BSN: variants seen among roughly 807,000 people sequenced by gnomAD.
BSN encodes protein bassoon.
A neutral mutation model predicts 264.8 loss-of-function variants in BSN; 57 were observed. The observed-to-expected ratio is 0.22, with a 90% CI of 0.17 to 0.27. BSN has a LOEUF of 0.27. Among genes scored for constraint, BSN ranks in the 10% least tolerant of loss-of-function variants. BSN has a pLI of 1.00. For missense variants in BSN, 4,615 were observed against 5,232.5 expected, an observed-to-expected ratio of 0.88 and a Z score of 3.64; for synonymous variants, 2,059 against 2,137.3, an observed-to-expected ratio of 0.96 and a Z score of 1.01.
chr3:49,556,098 C>T (rs2051668992), intron 1 of BSN, among the ~76,000 whole-genome samples: 1 of 152,220 alleles, frequency 6.6e-6, no homozygotes. Context: ...CTTAGCACTG[C>T]AAACACTGTC....
In BSN at chr3:49,657,097, C is replaced by G. The variant is rs557622645; in HGVS notation, c.7541C>G (p.Ala2514Gly). 65 of 1,610,002 alleles carry G rather than the reference C, an allele frequency of 4.0e-5. No homozygotes were observed. In the East Asian group the frequency reaches 1.1e-3, roughly 27 times the overall value. Residue 2514 changes from alanine (A) to glycine (G), a missense_variant, in exon 5 of 12, where the codon GCA (alanine) becomes GGA (glycine). Transcript: ENST00000296452. ...PLTHAAFIAM[A>G]GPEGLGQPRE... ...ACACATGCAGCCTTCATTGCCATGG[C>G]AGGGCCTGAAGGACTTGGGCAGCCT...
chr3:49,620,513 C>A (rs954832274), intron 1 of BSN, among the ~76,000 whole-genome samples: 3 of 151,138 alleles, frequency 2.0e-5, no homozygotes, highest in Admixed American at 2.0e-4. Context: ...CAGGAGTGGG[C>A]CTGGCATAAG....
At chr3:49,643,791 A>C (rs1316500345) in intron 3 of BSN, among the ~76,000 whole-genome samples, 1 of 152,160 alleles carries the variant, frequency 6.6e-6, no homozygotes, top group Non-Finnish European at 1.5e-5. Flanking sequence ...ATGCTCAGAG[A>C]TGCTTCTCTT....
chr3:49,661,443 G>C lies in BSN; in HGVS notation c.9598G>C (p.Ala3200Pro). ...GGGCAAGGTCCCTGAGGTGCCCCGGGCTGGTGACCGTGGCAGTGTGAGCCA... is the reference window on the plus strand; with the variant it reads ...GGGCAAGGTCCCTGAGGTGCCCCGGCCTGGTGACCGTGGCAGTGTGAGCCA... The part of the protein sequence containing the change: ...EQGKVPEVPR[A>P]GDRGSVSQSP... Residue 3200 changes from alanine to proline, a missense_variant, in exon 6 of 12, where the codon GCT becomes CCT. Physicochemically the swap from Ala to Pro is conservative, Grantham distance 27. Coordinates refer to ENST00000296452, the MANE Select transcript of BSN (RefSeq NM_003458.4). 1.2e-6 allele frequency: 2 copies of C among 1,613,926 alleles called. No individual in the cohort carries two copies. The highest frequency in any genetic ancestry group is 1.7e-6 in the Non-Finnish European group (2 of 1,180,032).
intron 1 of BSN, among the ~76,000 whole-genome samples, chr3:49,618,043 T>C (rs1342818324): frequency 6.6e-6 from 1 of 152,194 alleles, no homozygotes; most frequent in African/African-American, 2.4e-5. Context: ...TTTCCCTGAC[T>C]TCTCTGGTTC....
rs1167464278 is a variant in BSN, at chr3:49,585,307, C to T, written c.224+30481C>T. On this transcript the variant is annotated intron_variant, in intron 1 of 11. Coordinates refer to ENST00000296452, the MANE Select transcript of BSN (RefSeq NM_003458.4). The surrounding 1 kb of genome is among the most constrained non-coding windows in gnomAD (Gnocchi z 4.7). ...AAACAGACTGAGGGAATCAGAAGCA[C>T]CACTGTCCATCCGGAATTAAATCCA... is the stretch of plus-strand genomic sequence containing the variant. Among the ~76,000 whole-genome samples, 1 of 152,098 alleles carries T rather than the reference C, an allele frequency of 6.6e-6. No homozygotes were observed. The highest frequency in any genetic ancestry group is 2.4e-5 in the African/African-American group (1 of 41,418).
intron 3 of BSN, among the ~76,000 whole-genome samples, chr3:49,650,053 C>A (rs55754265): frequency 6.6e-6 from 1 of 152,170 alleles, no homozygotes; most frequent in African/African-American, 2.4e-5. Flanking sequence ...GGGTTACTCC[C>A]AGACAGCCTC....
In BSN at chr3:49,585,677, A is replaced by G. The variant is rs1364051070; in HGVS notation, c.224+30851A>G. Among the ~76,000 whole-genome samples the G allele has an allele frequency of 6.6e-6, 1 of 152,230 alleles. No homozygotes were observed. Among genetic ancestry groups the G allele is most frequent in the Non-Finnish European group, 1.5e-5 (1 of 68,044 alleles). ...TTTTTAGTTTTTTGAGAAACCTCCAAACTGTTCTTCATAGTGGTTGTACTA... is the reference window on the plus strand; with the variant it reads ...TTTTTAGTTTTTTGAGAAACCTCCAGACTGTTCTTCATAGTGGTTGTACTA... On this transcript the variant is annotated intron_variant, in intron 1 of 11. Coordinates refer to ENST00000296452, the MANE Select transcript of BSN (RefSeq NM_003458.4). The surrounding 1 kb of genome is among the most constrained non-coding windows in gnomAD (Gnocchi z 4.7).
At position 49,661,320 on chromosome 3, in the gene BSN, ACCAACTATGAGGTGATCG is replaced by A. The variant is rs2052652290; in HGVS notation, c.9479_9496del (p.Asn3160_Ala3165del). 2.5e-6 allele frequency: 4 copies of A among 1,613,816 alleles called. 1 individual carries two copies. The African/African-American group carries it at 5.3e-5, about 22-fold the overall frequency. The stretch of plus-strand genomic sequence containing the variant: ...AGCCGACTTGGAGCAGAAGGTGCCC[ACCAACTATGAGGTGATCG>A]CCAGCCCCGTTGTGCCCATGTCTTC... On this transcript the variant is annotated inframe_deletion, in exon 6 of 12. Transcript: ENST00000296452.
intron 1 of BSN, among the ~76,000 whole-genome samples, chr3:49,607,826 C>T (rs1023620503): frequency 3.3e-5 from 5 of 152,196 alleles, no homozygotes; most frequent in Non-Finnish European, 7.3e-5. Flanking sequence ...TCCTGGTGGT[C>T]AGTATACCAG....
rs745788135 is a variant in BSN, at chr3:49,656,799, G to A, written c.7243G>A (p.Glu2415Lys). 6.3e-7 allele frequency: 1 copy of A among 1,591,116 alleles called. No individual in the cohort carries two copies. The highest frequency in any genetic ancestry group is 8.6e-7 in the Non-Finnish European group (1 of 1,169,422). The stretch of plus-strand genomic sequence containing the variant: ...GGAGGAGCAGCTGCTGGTGCAGCGG[G>A]AGTTGCAGGAGCTGCAGACCATCAA... ...REEEQLLVQR[E>K]LQELQTIKHH... The change falls in exon 5 of 12, where the codon GAG (glutamate) becomes AAG (lysine). Residue 2415 changes from glutamate to lysine, a missense_variant. Glu to Lys is a moderately conservative substitution (Grantham distance 56). Transcript: ENST00000296452.
intron 1 of BSN, among the ~76,000 whole-genome samples, chr3:49,599,235 T>C (rs1023724910): frequency 6.6e-6 from 1 of 152,310 alleles, no homozygotes; most frequent in Non-Finnish European, 1.5e-5. Flanking sequence ...TTTTCAAATC[T>C]GCCTTACATC....
intron 1 of BSN, among the ~76,000 whole-genome samples, chr3:49,613,999 C>T (rs1008698356): frequency 6.6e-6 from 1 of 151,320 alleles, no homozygotes; most frequent in Admixed American, 6.6e-5. Flanking sequence ...TCAGATGAGC[C>T]GTCATTCACA....
In BSN at chr3:49,660,826, G is replaced by A. The variant is rs750807014; in HGVS notation, c.8981G>A (p.Arg2994Gln). 1.9e-6 allele frequency: 3 copies of A among 1,612,714 alleles called. No individual in the cohort carries two copies. The highest frequency in any genetic ancestry group is 1.7e-5 in the Admixed American group (1 of 60,008). The part of the protein sequence containing the change: ...TQRKESLAKD[R>Q]GGRDYPPLRG... Reference sequence around the variant, plus strand: ...CGCAAAGAGTCTTTGGCCAAAGACCGGGGTGGCCGTGACTACCCACCCTTG... The same window carrying A: ...CGCAAAGAGTCTTTGGCCAAAGACCAGGGTGGCCGTGACTACCCACCCTTG... The change falls in exon 6 of 12, where the codon CGG becomes CAG. Residue 2994 changes from arginine (R) to glutamine (Q), a missense_variant. Arg to Gln is a conservative substitution (Grantham distance 43). This residue lies in a region of BSN where 3,415 missense variants were observed against 3,866.4 expected (regional missense o/e 0.88). Transcript: ENST00000296452. This position sits in a 1 kb window ranked among gnomAD's most constrained non-coding sequence, Gnocchi z 7.1.
At position 49,655,311 on chromosome 3, in the gene BSN, C is replaced by T; in HGVS notation, c.5755C>T (p.Pro1919Ser). 3 of 1,611,286 alleles carry T rather than the reference C, an allele frequency of 1.9e-6. No homozygotes were observed. Among genetic ancestry groups the T allele is most frequent in the South Asian group, 2.2e-5 (2 of 90,760 alleles). The change falls in exon 5 of 12, where the codon CCG becomes TCG. Residue 1919 changes from proline to serine, a missense_variant. By Grantham distance (74) the Pro-to-Ser change is moderately conservative. Around this residue, in one of 3 missense-constraint regions of BSN, gnomAD observed 3,415 missense variants for 3,866.4 expected, o/e 0.88. Transcript: ENST00000296452. ...CAGCAGCTGCACTGGCACCTTCCACCCGGCCCCCAGTGTGCCTGAGAAGAG... is the reference window on the plus strand; with the variant it reads ...CAGCAGCTGCACTGGCACCTTCCACTCGGCCCCCAGTGTGCCTGAGAAGAG... ...FGSSCTGTFH[P>S]APSVPEKSMA...
intron 1 of BSN, among the ~76,000 whole-genome samples, chr3:49,574,229 A>G (rs1288263956): frequency 2.7e-5 from 2 of 75,124 alleles, no homozygotes; most frequent in African/African-American, 9.8e-5. Flanking sequence ...CAGCCTCCCA[A>G]AGTTTTGGGA....
At position 49,651,890 on chromosome 3, in the gene BSN, G is replaced by A. The variant is rs562037443; in HGVS notation, c.2334G>A (p.Glu778=). Residue 778 remains glutamate (E), a synonymous_variant, in exon 5 of 12, where the codon GAG becomes GAA. Transcript: ENST00000296452. The surrounding 1 kb of genome is among the most constrained non-coding windows in gnomAD (Gnocchi z 5.4). ...PEAFDSDEEL[E]DILEEDEDSA... ...CCTTTGACTCTGATGAGGAGCTGGA[G>A]GATATCCTGGAGGAAGACGAAGACT... The A allele has an allele frequency of 1.2e-6, 2 of 1,614,032 alleles. No homozygotes were observed. Among genetic ancestry groups the A allele is most frequent in the African/African-American group, 2.7e-5 (2 of 75,062 alleles).
Position 49,654,323 on chromosome 3 carries a change from C to T in BSN, c.4767C>T (p.Pro1589=). The T allele has an allele frequency of 1.2e-6, 2 of 1,613,622 alleles. No individual in the cohort carries two copies. Among genetic ancestry groups the T allele is most frequent in the Middle Eastern group, 1.6e-4 (1 of 6,062 alleles). ...TCTGCTCACCTACTGAAACCCAGCC[C>T]ACCACCCATGGCTACAGCCAGACAA... The part of the protein sequence containing the change: ...SPLCSPTETQ[P]TTHGYSQTTP... The change falls in exon 5 of 12, where the codon CCC becomes CCT. Residue 1589 remains proline, a synonymous_variant. Coordinates refer to ENST00000296452, the MANE Select transcript of BSN (RefSeq NM_003458.4). This position sits in a 1 kb window ranked among gnomAD's most constrained non-coding sequence, Gnocchi z 4.1.
intron 1 of BSN, among the ~76,000 whole-genome samples, chr3:49,606,141 T>TAA (rs1553661989): frequency 1.4e-4 from 8 of 55,798 alleles, no homozygotes; most frequent in African/African-American, 5.2e-4. Flanking sequence ...TATACATATA[T>TAA]TATATATGTA....
Sources: allele counts gnomAD v4.1 joint callset (sites outside exome capture counted in the v4.1 genomes callset), GRCh38; gene constraint gnomAD v4.1.1; regional missense constraint gnomAD v4.1.1; non-coding constraint Gnocchi (gnomAD v3.1); transcripts MANE v1.5; gene names NCBI Gene and HGNC (gene_info 2026-07-23, HGNC 2026-07-21).